F7: variants seen among roughly 807,000 people sequenced by gnomAD.
F7 encodes coagulation factor VII, also known as FVII coagulation protein.
Under a neutral mutation model 47.5 loss-of-function variants are expected in F7, and 38 were observed. The ratio of observed to expected loss-of-function variants is 0.80; its 90% CI spans 0.62 to 1.05. F7 has a LOEUF of 1.05. Ranked by LOEUF, F7 falls within the 50% of genes least tolerant of loss-of-function variation. The probability of loss-of-function intolerance (pLI) is 0.00; values close to 1 mark genes in which losing one functional copy is unlikely to be tolerated. For missense variants in F7, 575 were observed against 605.4 expected, an observed-to-expected ratio of 0.95 and a Z score of 0.53; for synonymous variants, 244 against 258.5, an observed-to-expected ratio of 0.94 and a Z score of 0.54.
rs1426695008 is a variant in F7, at chr13:113,118,537, G to T, written c.864G>T (p.Gln288His). The T allele has an allele frequency of 2.5e-6, 4 of 1,612,308 alleles. No homozygotes were observed. Among genetic ancestry groups the T allele is most frequent in the Admixed American group, 1.7e-5 (1 of 60,018 alleles). The change falls in exon 8 of 8, where the codon CAG (glutamine) becomes CAT (histidine). Residue 288 changes from glutamine to histidine, a missense_variant. Physicochemically the swap from Gln to His is conservative, Grantham distance 24. Transcript: ENST00000346342. ...NHDIALLRLH[Q>H]PVVLTDHVVP... ...ACATCGCGCTGCTCCGCCTGCACCA[G>T]CCCGTGGTCCTCACTGACCATGTGG... is the stretch of plus-strand genomic sequence containing the variant.
rs1402268332 is a variant in F7, at chr13:113,118,442, G to T, written c.769G>T (p.Asp257Tyr). 1.9e-6 allele frequency: 3 copies of T among 1,604,072 alleles called. No homozygotes were observed. Among genetic ancestry groups the T allele is most frequent in the Non-Finnish European group, 2.6e-6 (3 of 1,176,418 alleles). ...GEHDLSEHDGDEQSRRVAQVI... is the reference protein window; with the variant it reads ...GEHDLSEHDGYEQSRRVAQVI... Reference sequence around the variant, plus strand: ...GCACGACCTCAGCGAGCACGACGGGGATGAGCAGAGCCGGCGGGTGGCGCA... The same window carrying T: ...GCACGACCTCAGCGAGCACGACGGGTATGAGCAGAGCCGGCGGGTGGCGCA... Residue 257 changes from aspartate to tyrosine, a missense_variant, in exon 8 of 8, where the codon GAT becomes TAT. Physicochemically the swap from Asp to Tyr is radical, Grantham distance 160. Transcript: ENST00000346342.
Position 113,113,749 on chromosome 13 carries a change from C to A in F7, c.226-3C>A. On this transcript the variant is annotated splice_polypyrimidine_tract_variant and splice_region_variant and intron_variant, in intron 2 of 7. Coordinates refer to ENST00000346342, the MANE Select transcript of F7 (RefSeq NM_019616.4). The surrounding 1 kb of genome is among the most constrained non-coding windows in gnomAD (Gnocchi z 4.1). ...CACGAGGCTTGCTCTCTTGTTCCTTCAGAAGCTGTTCTGGATTTCTTACAG... is the reference window on the plus strand; with the variant it reads ...CACGAGGCTTGCTCTCTTGTTCCTTAAGAAGCTGTTCTGGATTTCTTACAG... 1 of 1,614,186 alleles carries A rather than the reference C, an allele frequency of 6.2e-7. No individual in the cohort carries two copies. Among genetic ancestry groups the A allele is most frequent in the Admixed American group, 1.7e-5 (1 of 60,034 alleles).
chr13:113,108,907 A>G (rs1268233370), intron 1 of F7, among the ~76,000 whole-genome samples: 2 of 16,224 alleles, frequency 1.2e-4, no homozygotes, highest in African/African-American at 4.7e-4. Context: ...GGTGTTCCGG[A>G]GGCGAGGGTG....
At chr13:113,107,525 C>G (rs1446577564) in intron 1 of F7, among the ~76,000 whole-genome samples, 1 of 3,670 alleles carries the variant, frequency 2.7e-4, no homozygotes, top group Admixed American at 2.3e-3. Context: ...GTGGGTGTCC[C>G]GGGAGTGTGG....
At position 113,110,856 on chromosome 13, in the gene F7, C is replaced by G; in HGVS notation, c.225+6C>G. On this transcript the variant is annotated splice_donor_region_variant and intron_variant, in intron 2 of 7. Transcript: ENST00000346342. Reference sequence around the variant, plus strand: ...TCAAGGACGCGGAGAGGACGGTGAGCCCAGCCTCGGGGCGCCCCGCGCCGC... The same window carrying G: ...TCAAGGACGCGGAGAGGACGGTGAGGCCAGCCTCGGGGCGCCCCGCGCCGC... 1 of 1,556,530 alleles carries G rather than the reference C, an allele frequency of 6.4e-7. No homozygotes were observed. Among genetic ancestry groups the G allele is most frequent in the Non-Finnish European group, 8.7e-7 (1 of 1,150,950 alleles).
At chr13:113,112,811 TTA>T (rs2036128422) in intron 2 of F7, among the ~76,000 whole-genome samples, 1 of 145,686 alleles carries the variant, frequency 6.9e-6, no homozygotes, top group African/African-American at 2.6e-5. Context: ...ACAGGTCACC[TTA>T]CTCTCACAGG....
intron 1 of F7, among the ~76,000 whole-genome samples, chr13:113,108,297 T>C (rs1250415568): frequency 2.0e-5 from 1 of 49,078 alleles, no homozygotes; most frequent in Non-Finnish European, 4.1e-5. Context: ...GTCCCGGGAG[T>C]GTGGGTGTTC....
chr13:113,106,009 C>G, intron 1 of F7, 104 bp downstream of exon 1: 13 of 1,003,900 alleles, frequency 1.3e-5, no homozygotes, highest in Non-Finnish European at 1.9e-5. Context: ...CGGACACCCC[C>G]ATCCACCAGG....
rs1386909458 is a variant in F7 at position 113,120,457 on chromosome 13, A to T, written c.*1449A>T. 1.3e-5 allele frequency: 2 copies of T among 153,188 alleles called. No homozygotes were observed. The highest frequency in any genetic ancestry group is 4.8e-5 in the African/African-American group (2 of 41,476). The allele number at this position is 153,188 out of a possible 1,614,324, so 9.5% of individuals were successfully genotyped here. ...TCAGACTCCGGCAAGCACGGCTCAG[A>T]GAGTGGACTCGATGCCATCCCTGCA... is the stretch of plus-strand genomic sequence containing the variant. On this transcript the variant is annotated 3_prime_UTR_variant, in exon 8 of 8. Coordinates refer to ENST00000346342, the MANE Select transcript of F7 (RefSeq NM_019616.4).
In F7 at chr13:113,106,893, A is replaced by C. The variant is rs1415055510; in HGVS notation, c.64+988A>C. 1.9e-6 allele frequency: 3 copies of C among 1,606,320 alleles called. No individual in the cohort carries two copies. The East Asian group carries it at 6.7e-5, about 36-fold the overall frequency. ...GGAGAAACACGGGACATGCCGTGGA[A>C]GCCGGGGCCTCACAGAGGTGAGCAG... On this transcript the variant is annotated intron_variant, in intron 1 of 7. Coordinates refer to ENST00000346342, the MANE Select transcript of F7 (RefSeq NM_019616.4).
chr13:113,106,783 T>C, intron 1 of F7: 1 of 1,499,502 alleles, frequency 6.7e-7, no homozygotes, highest in South Asian at 1.2e-5. Flanking sequence ...GTGCCTGGGA[T>C]GTGGGGCTGC....
In F7 at chr13:113,105,858, T is replaced by C; in HGVS notation, c.17T>C (p.Leu6Pro). 6.3e-7 allele frequency: 1 copy of C among 1,590,624 alleles called. No individual in the cohort carries two copies. The highest frequency in any genetic ancestry group is 8.6e-7 in the Non-Finnish European group (1 of 1,169,176). MVSQA[L>P]RLLCLLLGLQ... ...GATTTCATCATGGTCTCCCAGGCCC[T>C]CAGGCTCCTCTGCCTTCTGCTTGGG... Residue 6 changes from leucine (L) to proline (P), a missense_variant, in exon 1 of 8, where the codon CTC becomes CCC. Leu to Pro is a moderately conservative substitution (Grantham distance 98). Transcript: ENST00000346342.
At chr13:113,110,548 A>G (rs1031608799) in intron 1 of F7, 142 bp from the exon 2 acceptor site, 2 of 1,160,952 alleles carry the variant, frequency 1.7e-6, no homozygotes, top group Non-Finnish European at 2.4e-6. Context: ...GAGGACACCC[A>G]GCCAGGCCCG....
Position 113,118,412 on chromosome 13 carries a change from G to GGCGAGCACGACCTCA in F7, c.751_765dup (p.Leu251_Asp255dup). On this transcript the variant is annotated inframe_insertion and splice_region_variant. Coordinates refer to ENST00000346342, the MANE Select transcript of F7 (RefSeq NM_019616.4). ...GCCTGAGGGGGGCTTCTTCCTTCCA[G>GGCGAGCACGACCTCA]GCGAGCACGACCTCAGCGAGCACGA... 1.9e-6 allele frequency: 3 copies of GGCGAGCACGACCTCA among 1,590,666 alleles called. No individual in the cohort carries two copies. Among genetic ancestry groups the GGCGAGCACGACCTCA allele is most frequent in the Middle Eastern group, 1.7e-4 (1 of 6,020 alleles).
At position 113,115,688 on chromosome 13, in the gene F7, C is replaced by T. The variant is rs139304588; in HGVS notation, c.393C>T (p.Asn131=). Residue 131 remains asparagine (N), a synonymous_variant, in exon 5 of 8, where the codon AAC becomes AAT. Transcript: ENST00000346342. Reference sequence around the variant, plus strand: ...AGGATGACCAGCTGATCTGTGTGAACGAGAACGGCGGCTGTGAGCAGTACT... The same window carrying T: ...AGGATGACCAGCTGATCTGTGTGAATGAGAACGGCGGCTGTGAGCAGTACT... ...THKDDQLICV[N]ENGGCEQYCS... 4.8e-5 allele frequency: 77 copies of T among 1,613,206 alleles called. No homozygotes were observed. The African/African-American group carries it at 7.5e-4, about 16-fold the overall frequency.
chr13:113,110,549 G>A (rs2036070815), intron 1 of F7, 141 bp from the exon 2 acceptor site: 1 of 1,187,906 alleles, frequency 8.4e-7, no homozygotes, highest in Non-Finnish European at 1.2e-6. Context: ...AGGACACCCA[G>A]CCAGGCCCGC....
At chr13:113,116,063 A>T (rs2142225699) in intron 5 of F7, among the ~76,000 whole-genome samples, 1 of 152,318 alleles carries the variant, frequency 6.6e-6, no homozygotes, top group African/African-American at 2.4e-5. Flanking sequence ...CAAGCAAGGC[A>T]CTATCTCACG....
chr13:113,107,019 C>T (rs1410307354), intron 1 of F7: 2 of 1,272,392 alleles, frequency 1.6e-6, no homozygotes, highest in Non-Finnish European at 2.2e-6. Flanking sequence ...ACTGCAGTGC[C>T]CCCCAAGGAG....
rs761883021 is a variant in F7 at position 113,118,765 on chromosome 13, C to T, written c.1092C>T (p.Tyr364=). 6.2e-7 allele frequency: 1 copy of T among 1,613,234 alleles called. No individual in the cohort carries two copies. The highest frequency in any genetic ancestry group is 1.1e-5 in the South Asian group (1 of 91,074). ...KVGDSPNITE[Y]MFCAGYSDGS... is the part of the protein sequence containing the mutation. ...GAGACTCCCCAAATATCACGGAGTA[C>T]ATGTTCTGTGCCGGCTACTCGGATG... The change falls in exon 8 of 8, where the codon TAC becomes TAT. Residue 364 remains tyrosine (Y), a synonymous_variant. Transcript: ENST00000346342.
Sources: gnomAD v4.1 joint callset for allele counts (sites outside exome capture counted in the v4.1 genomes callset) on GRCh38, gnomAD v4.1.1 for gene constraint, Gnocchi (gnomAD v3.1) non-coding constraint, MANE v1.5 for transcripts, NCBI Gene and HGNC (gene_info 2026-07-23, HGNC 2026-07-21) for gene names.